DNAH17: variants seen among roughly 807,000 people sequenced by gnomAD.
DNAH17 encodes the protein dynein axonemal heavy chain 17.
In DNAH17, 376 loss-of-function variants were observed where a neutral mutation model predicts 485.6. The ratio of observed to expected loss-of-function variants is 0.77; its 90% CI spans 0.71 to 0.84. The LOEUF is 0.84. DNAH17 is among the 40% of genes least tolerant of loss of function. DNAH17 has a pLI of 0.00. For synonymous variants in DNAH17, 3,031 were observed against 2,405.9 expected (o/e 1.26, Z -7.60); for missense variants, 6,370 against 5,839.3 (o/e 1.09, Z -2.96).
chr17:78,427,776 A>G (rs1193259061), intron 77 of DNAH17, among the ~76,000 whole-genome samples: 1 of 152,176 alleles, frequency 6.6e-6, no homozygotes, highest in Admixed American at 6.5e-5. Flanking sequence ...GTTCAAAACC[A>G]GCCTGGCCAA....
At chr17:78,482,164 C>A (rs528181222) in intron 48 of DNAH17, among the ~76,000 whole-genome samples, 2 of 147,538 alleles carry the variant, frequency 1.4e-5, no homozygotes, top group Non-Finnish European at 3.0e-5. Context: ...CAGCCTCTAT[C>A]TCCTGGGCTC....
chr17:78,507,506 C>T lies in DNAH17; in HGVS notation c.4536G>A (p.Gln1512=). ...IFIGSEDIRT[Q]LPGDSQRFDD... is the part of the protein sequence containing the mutation. ...CAAAGCGCTGGGAGTCCCCCGGGAG[C>T]TGGGTGCGGATGTCTTCGGAGCCGA... Residue 1512 remains glutamine (Q), a synonymous_variant, in exon 28 of 81, where the codon CAG becomes CAA. Coordinates refer to ENST00000389840, the MANE Select transcript of DNAH17 (RefSeq NM_173628.4). 6.2e-7 allele frequency: 1 copy of T among 1,613,434 alleles called. No homozygotes were observed. The highest frequency in any genetic ancestry group is 8.5e-7 in the Non-Finnish European group (1 of 1,179,358).
At chr17:78,545,431 C>T (rs906360890) in intron 16 of DNAH17, among the ~76,000 whole-genome samples, 15 of 152,108 alleles carry the variant, frequency 9.9e-5, no homozygotes, top group Admixed American at 2.6e-4. Context: ...ATCAAGGTGC[C>T]GGCATGTTTG....
chr17:78,429,044 C>T lies in DNAH17; in HGVS notation c.12405+77G>A, dbSNP rs975228601. On this transcript the variant is annotated intron_variant, in intron 76 of 80. Coordinates refer to ENST00000389840, the MANE Select transcript of DNAH17 (RefSeq NM_173628.4). ...GGTTCTTGCTCAATTATTGACACTC[C>T]ATTTGTGCTGGCAGGCTCTCACCGG... The T allele has an allele frequency of 6.0e-6, 9 of 1,493,674 alleles. No individual in the cohort carries two copies. In the African/African-American group the frequency reaches 9.7e-5, roughly 16 times the overall value. 92.5% of individuals were successfully genotyped at this position (1,493,674 alleles called of 1,614,324 possible). A position where few individuals can be genotyped will look rare whatever the true frequency, so the allele number is the denominator to read the frequency against.
At position 78,445,596 on chromosome 17, in the gene DNAH17, C is replaced by T; in HGVS notation, c.11296G>A (p.Val3766Met). 1 of 1,564,170 alleles carries T rather than the reference C, an allele frequency of 6.4e-7. No individual in the cohort carries two copies. Among genetic ancestry groups the T allele is most frequent in the Non-Finnish European group, 8.7e-7 (1 of 1,153,920 alleles). The change falls in exon 70 of 81, where the codon GTG becomes ATG. Residue 3766 changes from valine (V) to methionine (M), a missense_variant. Physicochemically the swap from Val to Met is conservative, Grantham distance 21. Coordinates refer to ENST00000389840, the MANE Select transcript of DNAH17 (RefSeq NM_173628.4). ...CAGCCTTGATGCTGGAGGAAGTCCA[C>T]TGGTGAGACCACTCCGGCCTTAAAA... ...FPFKAGVVSP[V>M]DFLQHQGWGG...
At chr17:78,482,897 G>A (rs1356611510) in intron 48 of DNAH17, among the ~76,000 whole-genome samples, 3 of 152,214 alleles carry the variant, frequency 2.0e-5, no homozygotes, top group Non-Finnish European at 4.4e-5. Flanking sequence ...GCTTAAGAAT[G>A]TGGAGGCTCC....
chr17:78,474,804 AC>A (rs2088930518), intron 54 of DNAH17, among the ~76,000 whole-genome samples: 1 of 131,330 alleles, frequency 7.6e-6, no homozygotes, highest in African/African-American at 3.2e-5. Context: ...CACCTCAGTC[AC>A]CCGGGCACAC....
rs576404254 is a variant in DNAH17, at chr17:78,437,007, C to G, written c.12033+634G>C. 2.6e-5 allele frequency among the ~76,000 whole-genome samples: 4 copies of G among 152,280 alleles called. No individual in the cohort carries two copies. In the South Asian group the frequency reaches 6.2e-4, roughly 24 times the overall value. On this transcript the variant is annotated intron_variant, in intron 74 of 80. Transcript: ENST00000389840. ...TGGGATCCCAGCCAAGGAGGGTCCT[C>G]GAGCCCCAGGTGCCAGGCAGGCCCT...
rs376891709 is a variant in DNAH17 at position 78,480,872 on chromosome 17, CTTA to C, written c.7650-89_7650-87del. The stretch of plus-strand genomic sequence containing the variant: ...CCACTGTGCTCCCAAGAATGCCCTC[CTTA>C]TTATTATTTTTTTGAGACAGAGTCT... On this transcript the variant is annotated intron_variant, in intron 48 of 80. Coordinates refer to ENST00000389840, the MANE Select transcript of DNAH17 (RefSeq NM_173628.4). 575 of 896,262 alleles carry C rather than the reference CTTA, an allele frequency of 6.4e-4. 3 individuals carry two copies. The African/African-American group carries it at 7.6e-3, about 12-fold the overall frequency. 55.5% of individuals were successfully genotyped at this position (896,262 alleles called of 1,614,324 possible).
At chr17:78,482,209 T>C (rs755278130) in intron 48 of DNAH17, among the ~76,000 whole-genome samples, 1 of 151,624 alleles carries the variant, frequency 6.6e-6, no homozygotes, top group South Asian at 2.1e-4. Flanking sequence ...CACACTACCA[T>C]GCCCGGCTAA....
In DNAH17 at chr17:78,561,796, A is replaced by G. The variant is rs537835334; in HGVS notation, c.1754T>C (p.Val585Ala). 106 of 1,613,766 alleles carry G rather than the reference A, an allele frequency of 6.6e-5. No individual in the cohort carries two copies. The highest frequency in any genetic ancestry group is 8.9e-5 in the Non-Finnish European group (105 of 1,179,802). The change falls in exon 12 of 81, where the codon GTG (valine) becomes GCG (alanine). Residue 585 changes from valine to alanine, a missense_variant. By Grantham distance (64) the Val-to-Ala change is moderately conservative (BLOSUM62 0). Coordinates refer to ENST00000389840, the MANE Select transcript of DNAH17 (RefSeq NM_173628.4). ...IPLIHKNMPP[V>A]AGQLKWSLEL... is the part of the protein sequence containing the mutation. Reference sequence around the variant, plus strand: ...CAGGCTCCATTTGAGCTGCCCGGCCACGGGAGGCATGTTTTTGTGGATCAG... The same window carrying G: ...CAGGCTCCATTTGAGCTGCCCGGCCGCGGGAGGCATGTTTTTGTGGATCAG...
intron 16 of DNAH17, among the ~76,000 whole-genome samples, chr17:78,548,796 G>A (rs1397666444): frequency 6.6e-6 from 1 of 152,224 alleles, no homozygotes; most frequent in Non-Finnish European, 1.5e-5. Flanking sequence ...GGAGCTAGAT[G>A]CTGCTGGCTG....
Position 78,458,880 on chromosome 17 carries a change from T to C in DNAH17, c.9861+121A>G, listed in dbSNP as rs545969900. On this transcript the variant is annotated intron_variant, in intron 61 of 80. Coordinates refer to ENST00000389840, the MANE Select transcript of DNAH17 (RefSeq NM_173628.4). ...GCCCCTGCCTCTGCCTGCATCCTCT[T>C]GCACTGCTGAATAATTCATGACGGC... 1.4e-4 allele frequency: 166 copies of C among 1,201,376 alleles called. No individual in the cohort carries two copies. The African/African-American group carries it at 2.1e-3, about 15-fold the overall frequency. The allele number at this position is 1,201,376 out of a possible 1,614,324, so 74.4% of individuals were successfully genotyped here. A position where few individuals can be genotyped will look rare whatever the true frequency, so the allele number is the denominator to read the frequency against.
intron 14 of DNAH17, among the ~76,000 whole-genome samples, chr17:78,553,885 C>G (rs9904452): frequency 6.6e-6 from 1 of 152,168 alleles, no homozygotes; most frequent in Non-Finnish European, 1.5e-5. Flanking sequence ...TTTTGTGATT[C>G]TAAGCCAAAG....
At chr17:78,437,598 G>A (rs780408929) in intron 74 of DNAH17, 43 bp downstream of exon 74, 22 of 1,503,826 alleles carry the variant, frequency 1.5e-5, no homozygotes, top group East Asian at 9.4e-5. Context: ...ATGCCAGGCC[G>A]TGGCATGGGA....
At position 78,424,073 on chromosome 17, in the gene DNAH17, T is replaced by A. The variant is rs952026712; in HGVS notation, c.13222A>T (p.Ile4408Phe). The A allele has an allele frequency of 1.2e-6, 2 of 1,613,996 alleles. No individual in the cohort carries two copies. Among genetic ancestry groups the A allele is most frequent in the Non-Finnish European group, 1.7e-6 (2 of 1,179,874 alleles). ...ELTPAMPVIFIKAIPVDRMET... is the reference protein window; with the variant it reads ...ELTPAMPVIFFKAIPVDRMET... ...ATGCGGTCCACAGGAATGGCCTTGA[T>A]GAAGATGACAGGCATGGCCGGGGTC... Residue 4408 changes from isoleucine to phenylalanine, a missense_variant, in exon 81 of 81, where the codon ATC becomes TTC. Transcript: ENST00000389840.
chr17:78,444,410 C>T (rs765768791), intron 71 of DNAH17, among the ~76,000 whole-genome samples, 194 bp downstream of exon 71: 2 of 152,186 alleles, frequency 1.3e-5, no homozygotes, highest in Non-Finnish European at 2.9e-5. Flanking sequence ...TGGAATCCTG[C>T]CTCTGTCCTC....
chr17:78,565,827 A>T (rs111622404), intron 11 of DNAH17, among the ~76,000 whole-genome samples: 1 of 152,052 alleles, frequency 6.6e-6, no homozygotes, highest in African/African-American at 2.4e-5. Context: ...GCGTATGCCT[A>T]TAATTCCAGC....
Position 78,454,565 on chromosome 17 carries a change from C to G in DNAH17, c.10311G>C (p.Arg3437=). Residue 3437 remains arginine, a synonymous_variant, in exon 64 of 81, where the codon CGG becomes CGC. Transcript: ENST00000389840. ...ENATILGNTE[R]WPLIVDAQLQ... is the part of the protein sequence containing the mutation. ...GCTGGGCGTCCACGATCAGCGGCCA[C>G]CGCTCGGTGTTGCCCAGGATGGTGG... 1 of 1,613,224 alleles carries G rather than the reference C, an allele frequency of 6.2e-7. No individual in the cohort carries two copies. Among genetic ancestry groups the G allele is most frequent in the Non-Finnish European group, 8.5e-7 (1 of 1,179,856 alleles).
Sources: gnomAD v4.1 joint callset for allele counts (sites outside exome capture counted in the v4.1 genomes callset) on GRCh38, gnomAD v4.1.1 for gene constraint, MANE v1.5 for transcripts, NCBI Gene and HGNC (gene_info 2026-07-23, HGNC 2026-07-21) for gene names.